CATSPERG: variants seen among roughly 807,000 people sequenced by gnomAD.
The protein encoded by CATSPERG is cation channel sperm-associated auxiliary subunit gamma.
A neutral mutation model predicts 145.0 loss-of-function variants in CATSPERG; 115 were observed. That is an observed-to-expected ratio of 0.79 (90% CI 0.68 to 0.93). CATSPERG has a LOEUF of 0.93. CATSPERG is among the 40% of genes least tolerant of loss of function. The pLI is 0.00. For missense variants in CATSPERG, 1,296 were observed against 1,490.1 expected (o/e 0.87, Z 2.14); for synonymous variants, 588 against 589.0 (o/e 1.00, Z 0.02).
In CATSPERG at chr19:38,356,548, T is replaced by C. The variant is rs1028348821; in HGVS notation, c.1195+5T>C. 6.2e-7 allele frequency: 1 copy of C among 1,613,208 alleles called. No individual in the cohort carries two copies. Among genetic ancestry groups the C allele is most frequent in the Non-Finnish European group, 8.5e-7 (1 of 1,179,740 alleles). ...CTGTGTGCGAGCAGATAGGAGGTAC[T>C]CATTACCCCGATGGGTCTGCGGTGG... On this transcript the variant is annotated splice_donor_5th_base_variant and intron_variant, in intron 10 of 28. Transcript: ENST00000409235.
chr19:38,362,606 G>A (rs902773642), intron 19 of CATSPERG, 32 bp downstream of exon 19: 27 of 1,611,990 alleles, frequency 1.7e-5, no homozygotes, highest in Non-Finnish European at 2.3e-5. Context: ...AGCCCGAAGG[G>A]CGGGGCGAGG....
intron 3 of CATSPERG, among the ~76,000 whole-genome samples, chr19:38,341,510 T>A (rs902016279): frequency 5.3e-5 from 8 of 152,018 alleles, no homozygotes; most frequent in Admixed American, 4.6e-4. Context: ...ATACCTATAA[T>A]CCCAGCACTT....
intron 14 of CATSPERG, chr19:38,360,184 G>A (rs1455604980): frequency 2.4e-5 from 24 of 985,266 alleles, no homozygotes; most frequent in Non-Finnish European, 2.8e-5. Context: ...TCTAGGAACC[G>A]TGGCTGTTAG....
intron 6 of CATSPERG, among the ~76,000 whole-genome samples, chr19:38,344,675 A>C (rs547459716): frequency 4.7e-5 from 7 of 148,308 alleles, no homozygotes; most frequent in Non-Finnish European, 1.0e-4. Flanking sequence ...ACCTGTACAT[A>C]CATATATAGT....
chr19:38,351,701 G>A (rs934913445), intron 7 of CATSPERG, among the ~76,000 whole-genome samples: 1 of 152,066 alleles, frequency 6.6e-6, no homozygotes, highest in African/African-American at 2.4e-5. Flanking sequence ...GAGCACAGGA[G>A]TTCAAGACCA....
intron 8 of CATSPERG, among the ~76,000 whole-genome samples, chr19:38,353,490 C>A (rs1970185050): frequency 6.6e-6 from 1 of 151,990 alleles, no homozygotes; most frequent in Non-Finnish European, 1.5e-5. Context: ...AGTTCGAGAC[C>A]AGCCTGGCTA....
intron 8 of CATSPERG, among the ~76,000 whole-genome samples, chr19:38,352,648 C>T (rs1045575393): frequency 1.4e-5 from 2 of 145,448 alleles, no homozygotes; most frequent in African/African-American, 5.1e-5. Flanking sequence ...CCCAGACCCT[C>T]CTGGGAATTG....
At chr19:38,350,524 C>T (rs902389519) in intron 7 of CATSPERG, among the ~76,000 whole-genome samples, 7 of 152,112 alleles carry the variant, frequency 4.6e-5, no homozygotes, top group Non-Finnish European at 1.0e-4. Context: ...ATTACAGGCA[C>T]GTGTCACCAC....
chr19:38,356,954 C>T, intron 11 of CATSPERG, 93 bp downstream of exon 11: 1 of 1,503,042 alleles, frequency 6.7e-7, no homozygotes, highest in South Asian at 1.3e-5. Context: ...GCCCAGCAGA[C>T]AGAGGGAGGG....
chr19:38,367,885 T>C, intron 25 of CATSPERG, 109 bp downstream of exon 25: 1 of 1,206,158 alleles, frequency 8.3e-7, no homozygotes, highest in Non-Finnish European at 1.2e-6. Context: ...TCTCAGGCCC[T>C]GCCCACAGTG....
At chr19:38,360,246 G>C in intron 14 of CATSPERG, 2 of 985,354 alleles carry the variant, frequency 2.0e-6, no homozygotes, top group Non-Finnish European at 2.4e-6. Context: ...AACCCAAACA[G>C]ACCGAAAACA....
chr19:38,363,489 C>CTTTTT (rs1173452820), intron 20 of CATSPERG, among the ~76,000 whole-genome samples: 9 of 128,234 alleles, frequency 7.0e-5, no homozygotes, highest in African/African-American at 1.5e-4. Context: ...TAGCCTATTC[C>CTTTTT]TTTTTTTTTT....
intron 3 of CATSPERG, among the ~76,000 whole-genome samples, chr19:38,339,995 C>A (rs959420197): frequency 6.6e-6 from 1 of 152,048 alleles, no homozygotes. Context: ...GCAGGAATTA[C>A]AGGCATGCGC....
rs192079576 is a variant in CATSPERG, at chr19:38,359,874, G to A, written c.1608+293G>A. 482 of 1,137,814 alleles carry A rather than the reference G, an allele frequency of 4.2e-4. No homozygotes were observed. In the African/African-American group the frequency reaches 6.9e-3, roughly 16 times the overall value. 70.5% of individuals were successfully genotyped at this position (1,137,814 alleles called of 1,614,324 possible). A position where few individuals can be genotyped will look rare whatever the true frequency, so the allele number is the denominator to read the frequency against. ...GAGCATTTACTGTGTGCCTGCCCCC[G>A]TGCTGGAGAACACAGAGTGATCAGG... On this transcript the variant is annotated intron_variant, in intron 14 of 28. Transcript: ENST00000409235.
intron 20 of CATSPERG, among the ~76,000 whole-genome samples, chr19:38,363,477 G>A (rs527245810): frequency 1.3e-5 from 2 of 148,346 alleles, no homozygotes; most frequent in East Asian, 2.0e-4. Flanking sequence ...GCTTGGCCCC[G>A]TTAGCCTATT....
intron 26 of CATSPERG, 61 bp downstream of exon 26, chr19:38,368,198 A>ATCCT (rs1970488869): frequency 6.9e-7 from 1 of 1,441,026 alleles, no homozygotes; most frequent in African/African-American, 1.4e-5. Flanking sequence ...GGGCCCACCT[A>ATCCT]TCCTTTCTGC....
intron 6 of CATSPERG, 54 bp downstream of exon 6, chr19:38,344,422 C>T (rs559281725): frequency 6.8e-7 from 1 of 1,461,320 alleles, no homozygotes; most frequent in South Asian, 1.2e-5. Context: ...AGGCTGACGC[C>T]CTGGTTACTT....
rs3214278 is a variant in CATSPERG, at chr19:38,355,367, C to CA, written c.1135+527dup. 2.6e-3 allele frequency among the ~76,000 whole-genome samples: 368 copies of CA among 143,458 alleles called. 9 individuals are homozygous for CA. The East Asian group carries it at 0.051, about 20-fold the overall frequency. The allele number at this position is 143,458 out of a possible 152,430, so 94.1% of individuals were successfully genotyped here. On this transcript the variant is annotated intron_variant, in intron 9 of 28. Transcript: ENST00000409235. ...CTCAAAAACGAACAAACAAATCCCC[C>CA]AAAAAAACAAAAATAGCAGAAGCCC... is the stretch of plus-strand genomic sequence containing the variant.
intron 3 of CATSPERG, among the ~76,000 whole-genome samples, chr19:38,341,843 A>G (rs1172957055): frequency 6.6e-6 from 1 of 152,160 alleles, no homozygotes; most frequent in Non-Finnish European, 1.5e-5. Flanking sequence ...CAGAGGGTGC[A>G]ATGAGCTGAG....
Sources: allele counts gnomAD v4.1 joint callset (sites outside exome capture counted in the v4.1 genomes callset), GRCh38; gene constraint gnomAD v4.1.1; transcripts MANE v1.5; gene names NCBI Gene and HGNC (gene_info 2026-07-23, HGNC 2026-07-21).